Variants in LDLRAD3 observed in about 807,000 individuals in gnomAD.
The protein encoded by LDLRAD3 is low-density lipoprotein receptor class A domain-containing protein 3.
In LDLRAD3, 20 loss-of-function variants were observed where a neutral mutation model predicts 29.4. That is an observed-to-expected ratio of 0.68 (90% confidence interval 0.48 to 0.99). The LOEUF is 0.99. Ranked by LOEUF, LDLRAD3 falls within the 50% of genes least tolerant of loss-of-function variation. The pLI, the probability that LDLRAD3 is intolerant of heterozygous loss-of-function variation, is 0.00. For missense variants in LDLRAD3, 420 were observed against 454.3 expected, an observed-to-expected ratio of 0.92 and a Z score of 0.69; for synonymous variants, 157 against 192.7, an observed-to-expected ratio of 0.81 and a Z score of 1.53.
At chr11:36,041,517 G>A (rs565507136) in intron 2 of LDLRAD3, among the ~76,000 whole-genome samples, 5 of 152,266 alleles carry the variant, frequency 3.3e-5, no homozygotes, top group Non-Finnish European at 5.9e-5. Context: ...TTCTAAAAAC[G>A]TCAATAATGG....
rs114838352 is a variant in LDLRAD3 at position 35,967,428 on chromosome 11, C to T, written c.46+23284C>T. On this transcript the variant is annotated intron_variant, in intron 1 of 5. Coordinates refer to ENST00000315571, the MANE Select transcript of LDLRAD3 (RefSeq NM_174902.4). Reference sequence around the variant, plus strand: ...ATGGGTAATGTCCTTACTCCTTCAGCCATTGCAGTGATTAATCCCAAGGCA... The same window carrying T: ...ATGGGTAATGTCCTTACTCCTTCAGTCATTGCAGTGATTAATCCCAAGGCA... 2.0e-3 allele frequency: 654 copies of T among 320,842 alleles called. 6 individuals are homozygous for T. Among genetic ancestry groups the T allele is most frequent in the African/African-American group, 0.014 (623 of 45,350 alleles). The allele number at this position is 320,842 out of a possible 1,614,324, so 19.9% of individuals were successfully genotyped here.
intron 1 of LDLRAD3, among the ~76,000 whole-genome samples, chr11:36,005,136 G>T (rs1484769664): frequency 6.6e-6 from 1 of 152,184 alleles, no homozygotes; most frequent in Non-Finnish European, 1.5e-5. Flanking sequence ...TTTCTTTCCA[G>T]AAAATAGGGT....
At chr11:35,993,463 A>C (rs1382022598) in intron 1 of LDLRAD3, among the ~76,000 whole-genome samples, 1 of 152,236 alleles carries the variant, frequency 6.6e-6, no homozygotes, top group African/African-American at 2.4e-5. Context: ...AAACATTAGA[A>C]ATTTCTAGCT....
intron 4 of LDLRAD3, among the ~76,000 whole-genome samples, chr11:36,150,033 C>CT (rs1263731303): frequency 6.6e-6 from 1 of 152,078 alleles, no homozygotes; most frequent in African/African-American, 2.4e-5. Flanking sequence ...GTGGGGTGTC[C>CT]TTTTTCATTC....
intron 4 of LDLRAD3, among the ~76,000 whole-genome samples, chr11:36,145,881 G>C (rs1024688027): frequency 6.6e-6 from 1 of 151,624 alleles, no homozygotes; most frequent in Non-Finnish European, 1.5e-5. Flanking sequence ...AAGGCTGCAG[G>C]GTCCTCTGCC....
chr11:36,169,157 T>A (rs1038702097), intron 4 of LDLRAD3, among the ~76,000 whole-genome samples: 2 of 151,438 alleles, frequency 1.3e-5, no homozygotes, highest in African/African-American at 4.9e-5. Flanking sequence ...ATCTGTGAGC[T>A]TTTTTATTGA....
rs117679101 is a variant in LDLRAD3 at position 36,226,630 on chromosome 11, C to G, written c.455-455C>G. On this transcript the variant is annotated intron_variant, in intron 4 of 5. Coordinates refer to ENST00000315571, the MANE Select transcript of LDLRAD3 (RefSeq NM_174902.4). ...AATTTGTGCAACCATCACCATAAAC[C>G]AGTTTCGGGACATTCCCGTCACCCC... Among the ~76,000 whole-genome samples the G allele has an allele frequency of 9.2e-4, 140 of 152,310 alleles. 1 individual carries two copies. In the East Asian group the frequency reaches 0.025, roughly 28 times the overall value.
At chr11:36,148,628 A>G (rs557316100) in intron 4 of LDLRAD3, among the ~76,000 whole-genome samples, 56 of 152,278 alleles carry the variant, frequency 3.7e-4, no homozygotes, top group Admixed American at 1.1e-3. Flanking sequence ...AGAAGGAGAT[A>G]GGGCCGTCTT....
rs542910531 is a variant in LDLRAD3 at position 36,147,284 on chromosome 11, ATTT to A, written c.454+48828_454+48830del. Among the ~76,000 whole-genome samples, 17 of 147,882 alleles carry A rather than the reference ATTT, an allele frequency of 1.1e-4. No individual in the cohort carries two copies. The South Asian group carries it at 3.5e-3, about 30-fold the overall frequency. On this transcript the variant is annotated intron_variant, in intron 4 of 5. Transcript: ENST00000315571. ...AGGCACCCACCACCACACCCAGCTA[ATTT>A]TTTTGTATTTTTAGTAGAGACAGGG...
At chr11:35,996,317 G>A (rs867023296) in intron 1 of LDLRAD3, among the ~76,000 whole-genome samples, 1 of 152,162 alleles carries the variant, frequency 6.6e-6, no homozygotes, top group Non-Finnish European at 1.5e-5. Context: ...ATTGGGGAAC[G>A]GCCTGATGGT....
intron 4 of LDLRAD3, among the ~76,000 whole-genome samples, chr11:36,132,770 T>C (rs1261530082): frequency 6.6e-6 from 1 of 152,180 alleles, no homozygotes; most frequent in Non-Finnish European, 1.5e-5. Flanking sequence ...TTTAAGCCCA[T>C]GTGGGGTTTT....
rs929933307 is a variant in LDLRAD3 at position 36,053,257 on chromosome 11, A to G, written c.193+17008A>G. Among the ~76,000 whole-genome samples the G allele has an allele frequency of 8.5e-5, 13 of 152,080 alleles. 1 individual carries two copies. Among genetic ancestry groups the G allele is most frequent in the Middle Eastern group, 3.4e-3 (1 of 294 alleles). ...AGCCTTTTTTTTCTTTCTTTTTTTA[A>G]ATCTCATTTTGACATCTGTGATTCC... On this transcript the variant is annotated intron_variant, in intron 2 of 5. Coordinates refer to ENST00000315571, the MANE Select transcript of LDLRAD3 (RefSeq NM_174902.4).
At chr11:36,152,747 G>C (rs1170989217) in intron 4 of LDLRAD3, among the ~76,000 whole-genome samples, 1 of 152,196 alleles carries the variant, frequency 6.6e-6, no homozygotes, top group Non-Finnish European at 1.5e-5. Flanking sequence ...ACGCTTGACA[G>C]CTTGCACCTG....
chr11:36,205,627 A>G (rs2133377604), intron 4 of LDLRAD3, among the ~76,000 whole-genome samples: 1 of 152,338 alleles, frequency 6.6e-6, no homozygotes, highest in Middle Eastern at 3.4e-3. Context: ...ATCAAGCAAG[A>G]TGCCTCAGAA....
Position 35,944,223 on chromosome 11 carries a change from C to T in LDLRAD3, c.46+79C>T. ...GGGGCGCAGCGGCCGGGTGCGATCGCGTCCTCTCCCGGGCGCGGGCCGCTC... is the reference window on the plus strand; with the variant it reads ...GGGGCGCAGCGGCCGGGTGCGATCGTGTCCTCTCCCGGGCGCGGGCCGCTC... On this transcript the variant is annotated intron_variant, in intron 1 of 5. Coordinates refer to ENST00000315571, the MANE Select transcript of LDLRAD3 (RefSeq NM_174902.4). The surrounding 1 kb of genome is among the most constrained non-coding windows in gnomAD (Gnocchi z 4.9). The T allele has an allele frequency of 1.2e-6, 1 of 834,274 alleles. No homozygotes were observed. The highest frequency in any genetic ancestry group is 1.9e-5 in the African/African-American group (1 of 53,866). The allele number at this position is 834,274 out of a possible 1,614,324, so 51.7% of individuals were successfully genotyped here.
At chr11:36,104,796 G>A (rs1427587878) in intron 4 of LDLRAD3, among the ~76,000 whole-genome samples, 1 of 152,042 alleles carries the variant, frequency 6.6e-6, no homozygotes, top group Non-Finnish European at 1.5e-5. Context: ...TCACACTGAC[G>A]GACAGACTCA....
chr11:35,992,482 T>C (rs951516265), intron 1 of LDLRAD3, among the ~76,000 whole-genome samples: 2 of 152,310 alleles, frequency 1.3e-5, no homozygotes, highest in East Asian at 1.9e-4. Flanking sequence ...TAAAATGTAG[T>C]GTATCTATAC....
intron 4 of LDLRAD3, among the ~76,000 whole-genome samples, chr11:36,202,690 T>TG (rs1299996752): frequency 2.0e-5 from 3 of 152,100 alleles, no homozygotes; most frequent in Non-Finnish European, 4.4e-5. Flanking sequence ...AGGAAATTAT[T>TG]ATAAGTCCCC....
chr11:35,983,300 A>G (rs759912751), intron 1 of LDLRAD3, among the ~76,000 whole-genome samples: 16 of 152,232 alleles, frequency 1.1e-4, no homozygotes, highest in Non-Finnish European at 2.2e-4. Flanking sequence ...AAAAGATACC[A>G]TCAAAATTAA....
Sources: gnomAD v4.1 joint callset for allele counts (sites outside exome capture counted in the v4.1 genomes callset) on GRCh38, gnomAD v4.1.1 for gene constraint, Gnocchi (gnomAD v3.1) non-coding constraint, MANE v1.5 for transcripts, NCBI Gene and HGNC (gene_info 2026-07-23, HGNC 2026-07-21) for gene names.